The following SLC8A1 variants were observed in gnomAD, a reference collection of about 807,000 sequenced individuals.
SLC8A1 encodes the protein sodium/calcium exchanger 1.
Under a neutral mutation model 68.3 loss-of-function variants are expected in SLC8A1, and 18 were observed. That is an observed-to-expected ratio of 0.26 (90% confidence interval 0.18 to 0.39). The LOEUF is 0.39. SLC8A1 is among the 10% of genes least tolerant of loss of function. The pLI is 1.00. For missense variants in SLC8A1, 985 were observed against 1,156.7 expected, an observed-to-expected ratio of 0.85 and a Z score of 2.15; for synonymous variants, 475 against 415.5, an observed-to-expected ratio of 1.14 and a Z score of -1.74.
chr2:40,442,062 G>C (rs1053117517), intron 1 of SLC8A1, among the ~76,000 whole-genome samples: 6 of 96,196 alleles, frequency 6.2e-5, no homozygotes, highest in African/African-American at 2.5e-4. Flanking sequence ...GGTGGGGGGA[G>C]GGGGGAGGGA....
chr2:40,168,568 C>A (rs1180370540), intron 4 of SLC8A1, among the ~76,000 whole-genome samples: 1 of 152,080 alleles, frequency 6.6e-6, no homozygotes, highest in Admixed American at 6.6e-5. Context: ...AAAATGAGAG[C>A]CAAGTCTAAT....
chr2:40,355,974 G>T (rs887367282), intron 2 of SLC8A1, among the ~76,000 whole-genome samples: 2 of 152,018 alleles, frequency 1.3e-5, no homozygotes, highest in African/African-American at 2.4e-5. Flanking sequence ...TTGAACCTAC[G>T]ACATGCCAAG....
At chr2:40,487,695 T>C (rs917551378) in intron 1 of SLC8A1, among the ~76,000 whole-genome samples, 6 of 152,166 alleles carry the variant, frequency 3.9e-5, no homozygotes, top group Non-Finnish European at 8.8e-5. Flanking sequence ...CTCCCACTAC[T>C]TTAGTGTTCA....
intron 2 of SLC8A1, among the ~76,000 whole-genome samples, chr2:40,295,276 A>G (rs1457809746): frequency 6.6e-6 from 1 of 151,928 alleles, no homozygotes; most frequent in Non-Finnish European, 1.5e-5. Context: ...ATTTTAAAAA[A>G]TTATTTTGTA....
chr2:40,439,211 A>C (rs7603114), intron 1 of SLC8A1, among the ~76,000 whole-genome samples: 1 of 151,858 alleles, frequency 6.6e-6, no homozygotes, highest in African/African-American at 2.4e-5. Flanking sequence ...ATGTTGCTGC[A>C]GGTGTTTTGT....
At chr2:40,128,797 T>C (rs1430994741) in intron 7 of SLC8A1, among the ~76,000 whole-genome samples, 1 of 152,176 alleles carries the variant, frequency 6.6e-6, no homozygotes, top group Non-Finnish European at 1.5e-5. Flanking sequence ...TACAAATATA[T>C]AGAGAGAGAT....
intron 2 of SLC8A1, among the ~76,000 whole-genome samples, chr2:40,346,738 C>A (rs1419675048): frequency 1.3e-5 from 2 of 152,068 alleles, no homozygotes; most frequent in African/African-American, 4.8e-5. Context: ...TGTCTGCATC[C>A]TGTCTAAAGG....
At chr2:40,221,220 G>C (rs191441240) in intron 2 of SLC8A1, among the ~76,000 whole-genome samples, 4 of 152,116 alleles carry the variant, frequency 2.6e-5, no homozygotes. Context: ...TGCAAGGGTG[G>C]TTCAACATAT....
chr2:40,296,783 G>A (rs1447232500), intron 2 of SLC8A1, among the ~76,000 whole-genome samples: 1 of 152,124 alleles, frequency 6.6e-6, no homozygotes, highest in Non-Finnish European at 1.5e-5. Context: ...AAATTGCCAT[G>A]AGCTATCTTT....
chr2:40,388,237 G>A (rs1441623153), intron 2 of SLC8A1, among the ~76,000 whole-genome samples: 1 of 152,090 alleles, frequency 6.6e-6, no homozygotes, highest in African/African-American at 2.4e-5. Flanking sequence ...GCTTAAACTT[G>A]AATTGCTACA....
chr2:40,401,107 T>G (rs1218165230), intron 2 of SLC8A1, among the ~76,000 whole-genome samples: 5 of 152,218 alleles, frequency 3.3e-5, no homozygotes, highest in African/African-American at 4.8e-5. Flanking sequence ...GCAGAAATCA[T>G]CACCCAGAAA....
intron 2 of SLC8A1, among the ~76,000 whole-genome samples, chr2:40,378,783 G>A (rs762045647): frequency 2.0e-5 from 3 of 152,032 alleles, no homozygotes; most frequent in Non-Finnish European, 4.4e-5. Flanking sequence ...TCCTATTTTG[G>A]CCCAGCGAAC....
intron 2 of SLC8A1, among the ~76,000 whole-genome samples, chr2:40,249,654 T>G (rs1288763842): frequency 6.6e-6 from 1 of 152,208 alleles, no homozygotes. Flanking sequence ...AAATTGTACT[T>G]AAAGTCAGTG....
rs984485592 is a variant in SLC8A1, at chr2:40,212,418, G to A, written c.1809-34563C>T. Among the ~76,000 whole-genome samples, 7 of 151,562 alleles carry A rather than the reference G, an allele frequency of 4.6e-5. 1 individual carries two copies. The highest frequency in any genetic ancestry group is 1.7e-4 in the African/African-American group (7 of 41,210). ...TCCTGCCTCAGCCTCCCATGTAGCT[G>A]GGACTACAGGTGTATGCCACCATAC... On this transcript the variant is annotated intron_variant, in intron 2 of 7. Transcript: ENST00000406785.
chr2:40,363,896 A>C (rs763041609), intron 2 of SLC8A1, among the ~76,000 whole-genome samples: 1 of 151,952 alleles, frequency 6.6e-6, no homozygotes, highest in Non-Finnish European at 1.5e-5. Context: ...TTTCCAAGGG[A>C]GGTTTATTTA....
At chr2:40,240,362 A>T (rs1473851077) in intron 2 of SLC8A1, among the ~76,000 whole-genome samples, 1 of 152,138 alleles carries the variant, frequency 6.6e-6, no homozygotes, top group Non-Finnish European at 1.5e-5. Flanking sequence ...TACTCTAACC[A>T]TTCAGGATGT....
At chr2:40,435,942 A>ATTTTTTTTTTTTTTT (rs59783278) in intron 1 of SLC8A1, among the ~76,000 whole-genome samples, 2 of 125,418 alleles carry the variant, frequency 1.6e-5, no homozygotes, top group Non-Finnish European at 1.7e-5. Flanking sequence ...ATGCTCGGCT[A>ATTTTTTTTTTTTTTT]TTTTTTTTTT....
At chr2:40,232,744 T>A (rs866469554) in intron 2 of SLC8A1, among the ~76,000 whole-genome samples, 2 of 51,302 alleles carry the variant, frequency 3.9e-5, no homozygotes, top group Non-Finnish European at 4.6e-5. Flanking sequence ...GTGCTATCCC[T>A]CCCCCCCCGC....
rs563106011 is a variant in SLC8A1, at chr2:40,387,967, T to C, written c.1808+40506A>G. Among the ~76,000 whole-genome samples, 21 of 149,576 alleles carry C rather than the reference T, an allele frequency of 1.4e-4. 1 individual carries two copies. In the East Asian group the frequency reaches 4.1e-3, roughly 29 times the overall value. ...AAAAAAAAAAAAAAAAAAGAATTAG[T>C]TGAGACTGATGGGCTACTAAGGAAA... is the stretch of plus-strand genomic sequence containing the variant. On this transcript the variant is annotated intron_variant, in intron 2 of 7. Coordinates refer to ENST00000406785, the Ensembl canonical transcript of SLC8A1.
Sources: gnomAD v4.1 joint callset for allele counts (sites outside exome capture counted in the v4.1 genomes callset) on GRCh38, gnomAD v4.1.1 for gene constraint, MANE v1.5 for transcripts, NCBI Gene and HGNC (gene_info 2026-07-23, HGNC 2026-07-21) for gene names.